The following WDPCP variants were observed in gnomAD, a reference collection of about 807,000 sequenced individuals.
The protein encoded by WDPCP is WD repeat containing planar cell polarity effector, also known as WD repeat-containing and planar cell polarity effector protein fritz homolog.
In WDPCP, 71 loss-of-function variants were observed where a neutral mutation model predicts 93.1. That is an observed-to-expected ratio of 0.76 (90% CI 0.63 to 0.93). WDPCP has a LOEUF of 0.93. Ranked by LOEUF, WDPCP falls within the 40% of genes least tolerant of loss-of-function variation. WDPCP has a pLI of 0.00. For missense variants in WDPCP, 844 were observed against 887.4 expected (o/e 0.95, Z 0.62); for synonymous variants, 315 against 315.0 (o/e 1.00, Z 0.00).
At chr2:63,170,706 C>T (rs1673322817) in intron 15 of WDPCP, among the ~76,000 whole-genome samples, 1 of 152,084 alleles carries the variant, frequency 6.6e-6, no homozygotes, top group Non-Finnish European at 1.5e-5. Context: ...TTTTCCTTAA[C>T]TGATGTGTGT....
chr2:63,326,550 C>T (rs770499150), intron 12 of WDPCP, among the ~76,000 whole-genome samples: 23 of 95,660 alleles, frequency 2.4e-4, no homozygotes, highest in Non-Finnish European at 3.7e-4. Context: ...TAGGGAGAGA[C>T]AATGAGGGAG....
At chr2:63,302,083 CT>C (rs1203442855) in intron 13 of WDPCP, among the ~76,000 whole-genome samples, 1 of 152,176 alleles carries the variant, frequency 6.6e-6, no homozygotes, top group Admixed American at 6.5e-5. Flanking sequence ...TTTGGGGCCC[CT>C]TCAAGTTCCC....
intron 2 of WDPCP, among the ~76,000 whole-genome samples, chr2:63,665,797 A>G (rs1367133839): frequency 2.0e-5 from 3 of 152,242 alleles, no homozygotes; most frequent in Non-Finnish European, 4.4e-5. Flanking sequence ...GACATGAGGG[A>G]ATAAGCATAG....
At chr2:63,577,107 T>C (rs1007448526) in intron 1 of WDPCP, among the ~76,000 whole-genome samples, 2 of 152,246 alleles carry the variant, frequency 1.3e-5, no homozygotes, top group African/African-American at 4.8e-5. Context: ...TCATTTTAGA[T>C]GCATATTTCA....
At chr2:63,699,637 A>G (rs985020694) in intron 2 of WDPCP, among the ~76,000 whole-genome samples, 2 of 152,200 alleles carry the variant, frequency 1.3e-5, no homozygotes, top group African/African-American at 2.4e-5. Flanking sequence ...TCTAAAAAAA[A>G]GTTTGGAGCT....
intron 2 of WDPCP, among the ~76,000 whole-genome samples, chr2:63,778,565 A>T (rs1417906388): frequency 6.6e-6 from 1 of 151,928 alleles, no homozygotes; most frequent in Non-Finnish European, 1.5e-5. Flanking sequence ...AAATGTCTCG[A>T]CCTCTGAGAT....
At chr2:63,818,715 T>C (rs1670974427) in intron 1 of WDPCP, among the ~76,000 whole-genome samples, 1 of 152,188 alleles carries the variant, frequency 6.6e-6, no homozygotes, top group African/African-American at 2.4e-5. Context: ...TATGATTCCT[T>C]TCACATAAGG....
At chr2:63,333,962 A>G (rs1688167032) in intron 12 of WDPCP, among the ~76,000 whole-genome samples, 1 of 152,222 alleles carries the variant, frequency 6.6e-6, no homozygotes, top group Admixed American at 6.6e-5. Flanking sequence ...GGAAATATAC[A>G]AACTTTGTTC....
chr2:63,543,196 TCAGTTTTGTATGACTCTG>T (rs1375694348), intron 1 of WDPCP, among the ~76,000 whole-genome samples: 1 of 152,138 alleles, frequency 6.6e-6, no homozygotes, highest in Non-Finnish European at 1.5e-5. Context: ...AGTACAAAAA[TCAGTTTTGTATGACTCTG>T]CATCTGAGAG....
At chr2:63,273,827 GCACACACA>G (rs375454800) in intron 13 of WDPCP, among the ~76,000 whole-genome samples, 2 of 54,728 alleles carry the variant, frequency 3.7e-5, no homozygotes, top group Non-Finnish European at 3.1e-5. Flanking sequence ...ACACACACAC[GCACACACA>G]CACACACACA....
intron 15 of WDPCP, among the ~76,000 whole-genome samples, chr2:63,155,810 T>C (rs1275685150): frequency 6.6e-6 from 1 of 152,218 alleles, no homozygotes; most frequent in Non-Finnish European, 1.5e-5. Context: ...TCAAAATGTT[T>C]TTTGTTATTC....
chr2:63,195,768 C>A (rs545781672), intron 14 of WDPCP, among the ~76,000 whole-genome samples: 3 of 151,942 alleles, frequency 2.0e-5, no homozygotes, highest in African/African-American at 7.3e-5. Context: ...CATGTAGATA[C>A]TAGTCTAAGA....
intron 3 of WDPCP, among the ~76,000 whole-genome samples, chr2:63,647,943 T>G (rs989765982): frequency 2.4e-4 from 37 of 152,178 alleles, no homozygotes; most frequent in Admixed American, 6.5e-5. Flanking sequence ...ACAACTTCCT[T>G]AGCTCTGCAT....
At position 63,257,348 on chromosome 2, in the gene WDPCP, T is replaced by TTAG. The variant is rs537068619; in HGVS notation, c.1915+1956_1915+1958dup. On this transcript the variant is annotated intron_variant, in intron 14 of 17. Coordinates refer to ENST00000272321, the MANE Select transcript of WDPCP (RefSeq NM_015910.7). ...TAAATTGAGGGAATTTGAAAGAAAA[T>TTAG]TAGCTTTCCCCAGCATGATGTGGGC... is the stretch of plus-strand genomic sequence containing the variant. Among the ~76,000 whole-genome samples, 7 of 152,202 alleles carry TTAG rather than the reference T, an allele frequency of 4.6e-5. No individual in the cohort carries two copies. In the South Asian group the frequency reaches 1.5e-3, roughly 32 times the overall value.
At chr2:63,734,954 A>T (rs193261848) in intron 2 of WDPCP, among the ~76,000 whole-genome samples, 75 of 152,340 alleles carry the variant, frequency 4.9e-4, no homozygotes, top group African/African-American at 1.7e-3. Flanking sequence ...CTTAAAAAAT[A>T]TGCCCTGTGA....
At chr2:63,554,014 A>G (rs1705882296) in intron 1 of WDPCP, among the ~76,000 whole-genome samples, 1 of 152,204 alleles carries the variant, frequency 6.6e-6, no homozygotes, top group South Asian at 2.1e-4. Context: ...ATAATTTACT[A>G]TCAACACAAT....
In WDPCP at chr2:63,641,088, G is replaced by A. The variant is rs371999611; in HGVS notation, n.488+9571C>T. Among the ~76,000 whole-genome samples the A allele has an allele frequency of 5.3e-5, 8 of 152,194 alleles. No homozygotes were observed. In the East Asian group the frequency reaches 1.5e-3, roughly 29 times the overall value. ...ATGGGATGGTTGTCTTTCTGTGCCT[G>A]CCTTTTTTCACTTAACATAATGATC... is the stretch of plus-strand genomic sequence containing the variant. On this transcript the variant is annotated intron_variant and non_coding_transcript_variant, in intron 3 of 4. Coordinates refer to the WDPCP transcript ENST00000467687.
chr2:63,622,101 T>C (rs1709747017), intron 3 of WDPCP: 1 of 1,195,212 alleles, frequency 8.4e-7, no homozygotes, highest in Non-Finnish European at 1.1e-6. Flanking sequence ...TGATTTTTAA[T>C]GATAAAGTAC....
intron 2 of WDPCP, among the ~76,000 whole-genome samples, chr2:63,712,561 A>C (rs1669278560): frequency 2.0e-5 from 3 of 152,160 alleles, no homozygotes; most frequent in Admixed American, 2.0e-4. Flanking sequence ...TACTCTATGA[A>C]CTACATCTTC....
Sources: gnomAD v4.1 joint callset for allele counts (sites outside exome capture counted in the v4.1 genomes callset) on GRCh38, gnomAD v4.1.1 for gene constraint, MANE v1.5 for transcripts, NCBI Gene and HGNC (gene_info 2026-07-23, HGNC 2026-07-21) for gene names.